The following PITPNM2 variants were observed in gnomAD, a reference collection of about 807,000 sequenced individuals.
PITPNM2 encodes phosphatidylinositol transfer protein membrane associated 2.
PITPNM2 carries 35 observed loss-of-function variants against 132.2 expected under a neutral mutation model. The observed-to-expected ratio is 0.26, with a 90% CI of 0.20 to 0.35. PITPNM2 has a LOEUF of 0.35. Ranked by LOEUF, PITPNM2 falls within the 10% of genes least tolerant of loss-of-function variation. PITPNM2 has a pLI of 1.00. For synonymous variants in PITPNM2, 738 were observed against 799.2 expected (o/e 0.92, Z 1.29); for missense variants, 1,332 against 1,912.0 (o/e 0.70, Z 5.66).
intron 10 of PITPNM2, 21 bp from the exon 11 acceptor site, chr12:122,997,593 T>G (rs1403303410): frequency 5.6e-6 from 9 of 1,599,468 alleles, no homozygotes; most frequent in Non-Finnish European, 7.7e-6. Flanking sequence ...TGGGGGACAG[T>G]GTCAGCTCCC....
intron 1 of PITPNM2, among the ~76,000 whole-genome samples, chr12:123,126,558 A>C (rs1300859453): frequency 6.6e-6 from 1 of 152,208 alleles, no homozygotes; most frequent in Non-Finnish European, 1.5e-5. Flanking sequence ...AAGTAGCAAA[A>C]CCACACTGAG....
intron 2 of PITPNM2, among the ~76,000 whole-genome samples, chr12:123,056,607 A>T (rs1455863198): frequency 6.6e-6 from 1 of 151,946 alleles, no homozygotes; most frequent in African/African-American, 2.4e-5. Flanking sequence ...AGAGGGAAAG[A>T]GCTGAGCTGC....
intron 1 of PITPNM2, among the ~76,000 whole-genome samples, chr12:123,131,354 GC>G (rs1372608802): frequency 6.6e-5 from 10 of 152,280 alleles, no homozygotes; most frequent in African/African-American, 2.4e-4. Context: ...GCCAAGAATG[GC>G]CTGCAACCAC....
rs748354023 is a variant in PITPNM2 at position 122,992,451 on chromosome 12, G to A, written c.2404+48C>T. The A allele has an allele frequency of 5.2e-5, 81 of 1,563,270 alleles. No homozygotes were observed. Among genetic ancestry groups the A allele is most frequent in the Middle Eastern group, 2.3e-4 (1 of 4,336 alleles). On this transcript the variant is annotated intron_variant, in intron 16 of 25. Coordinates refer to ENST00000320201, the MANE Select transcript of PITPNM2 (RefSeq NM_020845.3). The surrounding 1 kb of genome is among the most constrained non-coding windows in gnomAD (Gnocchi z 6.5). ...GAGGACCTAGGAGCCAGGGAGCCAC[G>A]CTTACCCCACCTTCCCCCAGAGGAG... is the stretch of plus-strand genomic sequence containing the variant.
intron 2 of PITPNM2, among the ~76,000 whole-genome samples, chr12:123,059,772 T>C (rs1343989236): frequency 6.6e-6 from 1 of 152,076 alleles, no homozygotes; most frequent in Non-Finnish European, 1.5e-5. Flanking sequence ...GACAAATCCA[T>C]AGAGCTAGGA....
chr12:122,991,178 A>G (rs576963893), intron 16 of PITPNM2, among the ~76,000 whole-genome samples: 49 of 152,320 alleles, frequency 3.2e-4, no homozygotes, highest in African/African-American at 1.1e-3. Context: ...GCAAGCCCTG[A>G]GCATCCCTCA....
At chr12:123,014,469 TGAGGTG>T (rs2039344341) in intron 3 of PITPNM2, among the ~76,000 whole-genome samples, 2 of 152,302 alleles carry the variant, frequency 1.3e-5, no homozygotes, top group Non-Finnish European at 2.9e-5. Flanking sequence ...TTCAGGAGGC[TGAGGTG>T]GGCAGATCAC....
intron 3 of PITPNM2, among the ~76,000 whole-genome samples, chr12:123,025,185 G>C (rs998539775): frequency 6.6e-6 from 1 of 152,182 alleles, no homozygotes; most frequent in African/African-American, 2.4e-5. Flanking sequence ...GGGCATCCTC[G>C]GTCAGCTTCC....
intron 3 of PITPNM2, chr12:123,034,289 GAC>G (rs2040196828): frequency 1.9e-6 from 1 of 523,218 alleles, no homozygotes; most frequent in African/African-American, 1.9e-5. Flanking sequence ...TAGGCGGCGG[GAC>G]ACAGTGCCGG....
intron 1 of PITPNM2, among the ~76,000 whole-genome samples, chr12:123,120,962 C>T (rs2043021325): frequency 6.6e-6 from 1 of 152,260 alleles, no homozygotes; most frequent in African/African-American, 2.4e-5. Flanking sequence ...GCCAGAGACA[C>T]ACTTCTTGTT....
At position 122,986,093 on chromosome 12, in the gene PITPNM2, C is replaced by T. The variant is rs556195262; in HGVS notation, c.3984G>A (p.Ala1328=). ...TCATGGCGCGGCCCCAGCAGCCGGCCGCCACACTCATGCTGCGCTGGCCCC... is the reference window on the plus strand; with the variant it reads ...TCATGGCGCGGCCCCAGCAGCCGGCTGCCACACTCATGCTGCGCTGGCCCC... The part of the protein sequence containing the change: ...EQRGQRSMSV[A]AGCWGRAMTG... The change falls in exon 26 of 26, where the codon GCG becomes GCA. Residue 1328 remains alanine (A), a synonymous_variant. Transcript: ENST00000320201. 72 of 1,450,056 alleles carry T rather than the reference C, an allele frequency of 5.0e-5. No individual in the cohort carries two copies. Among genetic ancestry groups the T allele is most frequent in the African/African-American group, 7.5e-5 (5 of 67,038 alleles). The allele number at this position is 1,450,056 out of a possible 1,614,324, so 89.8% of individuals were successfully genotyped here.
intron 2 of PITPNM2, among the ~76,000 whole-genome samples, chr12:123,094,732 T>A (rs1187799187): frequency 1.3e-5 from 2 of 152,146 alleles, no homozygotes; most frequent in Non-Finnish European, 2.9e-5. Flanking sequence ...TCCCTCCACC[T>A]CCTAGAAGCA....
chr12:122,992,093 C>T lies in PITPNM2; in HGVS notation c.2404+406G>A, dbSNP rs112728712. 3.3e-5 allele frequency among the ~76,000 whole-genome samples: 5 copies of T among 152,090 alleles called. No individual in the cohort carries two copies. The highest frequency in any genetic ancestry group is 7.4e-5 in the Non-Finnish European group (5 of 67,988). On this transcript the variant is annotated intron_variant, in intron 16 of 25. Coordinates refer to ENST00000320201, the MANE Select transcript of PITPNM2 (RefSeq NM_020845.3). This position sits in a 1 kb window ranked among gnomAD's most constrained non-coding sequence, Gnocchi z 6.5. Reference sequence around the variant, plus strand: ...CCAACGCATCTCCTGCACCCTATCTCGGGGCCAGCCGCCTGCCATGATGGG... The same window carrying T: ...CCAACGCATCTCCTGCACCCTATCTTGGGGCCAGCCGCCTGCCATGATGGG...
At chr12:123,142,859 T>C (rs1206496502) in intron 1 of PITPNM2, among the ~76,000 whole-genome samples, 3 of 143,404 alleles carry the variant, frequency 2.1e-5, no homozygotes, top group Non-Finnish European at 4.6e-5. Flanking sequence ...TTGCAAAAAA[T>C]GTTGAGTTTT....
intron 1 of PITPNM2, among the ~76,000 whole-genome samples, chr12:123,127,129 T>A (rs1024229603): frequency 6.6e-6 from 1 of 152,194 alleles, no homozygotes; most frequent in East Asian, 1.9e-4. Context: ...CTTGAAATAA[T>A]GGACTTCCAG....
intron 1 of PITPNM2, among the ~76,000 whole-genome samples, chr12:123,125,103 ATG>A (rs2043111294): frequency 6.6e-6 from 1 of 152,128 alleles, no homozygotes; most frequent in Admixed American, 6.6e-5. Flanking sequence ...GACTACAGGC[ATG>A]TGTCACCATG....
chr12:123,118,712 G>C (rs1216852154), intron 1 of PITPNM2, among the ~76,000 whole-genome samples: 1 of 152,192 alleles, frequency 6.6e-6, no homozygotes, highest in Non-Finnish European at 1.5e-5. Flanking sequence ...CAGGGTGTAC[G>C]GACAGCTTTG....
In PITPNM2 at chr12:123,000,959, A is replaced by T; in HGVS notation, c.1153+95T>A. 1.3e-6 allele frequency: 2 copies of T among 1,531,978 alleles called. No individual in the cohort carries two copies. Among genetic ancestry groups the T allele is most frequent in the South Asian group, 2.2e-5 (2 of 89,068 alleles). The allele number at this position is 1,531,978 out of a possible 1,614,324, so 94.9% of individuals were successfully genotyped here. On this transcript the variant is annotated intron_variant, in intron 9 of 25. Coordinates refer to ENST00000320201, the MANE Select transcript of PITPNM2 (RefSeq NM_020845.3). This position sits in a 1 kb window ranked among gnomAD's most constrained non-coding sequence, Gnocchi z 5.4. ...GCTTGGGGGTCCCCAACTCACATGT[A>T]TGCCCAGCACTGTGCAGAAGCTGGT... is the stretch of plus-strand genomic sequence containing the variant.
rs190750361 is a variant in PITPNM2 at position 123,000,100 on chromosome 12, C to A, written c.1224+678G>T. Among the ~76,000 whole-genome samples the A allele has an allele frequency of 6.6e-6, 1 of 152,190 alleles. No homozygotes were observed. The highest frequency in any genetic ancestry group is 6.5e-5 in the Admixed American group (1 of 15,286). ...CCTCCTCCTCCCCGCCTAGATTCCC[C>A]GGGGGCCCGAGTTCCCCACAGAAGT... On this transcript the variant is annotated intron_variant, in intron 10 of 25. Coordinates refer to ENST00000320201, the MANE Select transcript of PITPNM2 (RefSeq NM_020845.3). This position sits in a 1 kb window ranked among gnomAD's most constrained non-coding sequence, Gnocchi z 5.4.
Sources: allele counts gnomAD v4.1 joint callset (sites outside exome capture counted in the v4.1 genomes callset), GRCh38; gene constraint gnomAD v4.1.1; non-coding constraint Gnocchi (gnomAD v3.1); transcripts MANE v1.5; gene names NCBI Gene and HGNC (gene_info 2026-07-23, HGNC 2026-07-21).